The following PKN2 variants were observed in gnomAD, a reference collection of about 807,000 sequenced individuals.
PKN2 encodes serine/threonine-protein kinase N2.
Under a neutral mutation model 119.1 loss-of-function variants are expected in PKN2, and 38 were observed. That is an observed-to-expected ratio of 0.32 (90% CI 0.25 to 0.42). PKN2 has a LOEUF of 0.42. Ranked by LOEUF, PKN2 falls within the 10% of genes least tolerant of loss-of-function variation. The probability of loss-of-function intolerance (pLI) is 1.00; values close to 1 mark genes in which losing one functional copy is unlikely to be tolerated. For missense variants in PKN2, 850 were observed against 1,165.1 expected (o/e 0.73, Z 3.94); for synonymous variants, 390 against 384.9 (o/e 1.01, Z -0.15).
At chr1:88,701,199 T>A (rs1361758065) in intron 1 of PKN2, among the ~76,000 whole-genome samples, 2 of 152,190 alleles carry the variant, frequency 1.3e-5, no homozygotes, top group Non-Finnish European at 2.9e-5. Context: ...ATCCCAGTAC[T>A]TTGGGAGGCT....
chr1:88,826,854 GT>G (rs1672517819), intron 18 of PKN2, among the ~76,000 whole-genome samples: 1 of 152,006 alleles, frequency 6.6e-6, no homozygotes, highest in East Asian at 1.9e-4. Flanking sequence ...TTTTCTCCAA[GT>G]TACTAAAAGG....
At chr1:88,817,563 C>T (rs1672051862) in intron 16 of PKN2, among the ~76,000 whole-genome samples, 1 of 151,870 alleles carries the variant, frequency 6.6e-6, no homozygotes, top group African/African-American at 2.4e-5. Flanking sequence ...AAAAAATTAG[C>T]TGGGTGTGGC....
At chr1:88,815,643 C>A (rs2100900113) in intron 16 of PKN2, among the ~76,000 whole-genome samples, 1 of 152,224 alleles carries the variant, frequency 6.6e-6, no homozygotes, top group Non-Finnish European at 1.5e-5. Flanking sequence ...TGATTTCTAG[C>A]TTTGTTGTTT....
At position 88,823,198 on chromosome 1, in the gene PKN2, A is replaced by G. The variant is rs142316659; in HGVS notation, c.2343-1112A>G. Among the ~76,000 whole-genome samples, 7 of 152,286 alleles carry G rather than the reference A, an allele frequency of 4.6e-5. No homozygotes were observed. In the East Asian group the frequency reaches 1.4e-3, roughly 29 times the overall value. The stretch of plus-strand genomic sequence containing the variant: ...TTATGCCACTGCACTCCACTTAGAC[A>G]ACAGAGTGAGTACCTTGTCTCACAA... On this transcript the variant is annotated intron_variant, in intron 17 of 21. Coordinates refer to ENST00000370521, the MANE Select transcript of PKN2 (RefSeq NM_006256.4).
chr1:88,793,927 G>A (rs971798634), intron 8 of PKN2, among the ~76,000 whole-genome samples: 1 of 152,074 alleles, frequency 6.6e-6, no homozygotes, highest in Admixed American at 6.6e-5. Context: ...CACAGATAAG[G>A]AACCCACAGA....
At chr1:88,741,338 T>C in intron 2 of PKN2, 50 bp downstream of exon 2, 1 of 1,181,048 alleles carries the variant, frequency 8.5e-7, no homozygotes, top group Non-Finnish European at 1.1e-6. Flanking sequence ...ATAAAAAAAA[T>C]GTATCTTTTT....
Position 88,796,309 on chromosome 1 carries a change from A to G in PKN2, c.1282-8082A>G, listed in dbSNP as rs539610027. Among the ~76,000 whole-genome samples the G allele has an allele frequency of 1.9e-4, 29 of 152,258 alleles. No individual in the cohort carries two copies. In the South Asian group the frequency reaches 5.8e-3, roughly 30 times the overall value. ...TTCAGATTTTGTAGCTTTTCAGGTT[A>G]GGGATACTCAGCCTGTACTGCCTGA... On this transcript the variant is annotated intron_variant, in intron 8 of 21. Transcript: ENST00000370521.
In PKN2 at chr1:88,784,662, G is replaced by C; in HGVS notation, c.1009G>C (p.Gly337Arg). ...LTGTLEVRLM[G>R]CQDILENVPG... is the part of the protein sequence containing the mutation. ...AGGTACTTTGGAAGTTCGTCTTATG[G>C]GCTGCCAAGATATCCTAGAGAATGT... The change falls in exon 7 of 22, where the codon GGC becomes CGC. Residue 337 changes from glycine to arginine, a missense_variant. Physicochemically the swap from Gly to Arg is moderately radical, Grantham distance 125 (BLOSUM62 -2). Coordinates refer to ENST00000370521, the MANE Select transcript of PKN2 (RefSeq NM_006256.4). The C allele has an allele frequency of 6.3e-7, 1 of 1,582,016 alleles. No homozygotes were observed. Among genetic ancestry groups the C allele is most frequent in the Non-Finnish European group, 8.6e-7 (1 of 1,164,676 alleles).
intron 2 of PKN2, 117 bp downstream of exon 2, chr1:88,741,405 A>G: frequency 3.2e-6 from 2 of 623,114 alleles, no homozygotes. Flanking sequence ...AAGTAGAGAG[A>G]CTTTTTCTCT....
chr1:88,762,138 T>C (rs1052272844), intron 3 of PKN2, among the ~76,000 whole-genome samples: 4 of 152,210 alleles, frequency 2.6e-5, no homozygotes, highest in Admixed American at 1.3e-4. Context: ...GGTTACACCT[T>C]ATTCTCAAAG....
intron 8 of PKN2, among the ~76,000 whole-genome samples, chr1:88,786,866 A>G (rs901597200): frequency 1.5e-4 from 23 of 151,936 alleles, no homozygotes; most frequent in Non-Finnish European, 2.9e-5. Flanking sequence ...TAATTATGTT[A>G]AAGCAGATTT....
chr1:88,737,010 C>T (rs1454278577), intron 1 of PKN2, among the ~76,000 whole-genome samples: 1 of 152,302 alleles, frequency 6.6e-6, no homozygotes. Context: ...TCCAAAGCAA[C>T]ATTGTGTACC....
rs759936059 is a variant in PKN2 at position 88,833,057 on chromosome 1, T to C, written c.2671-20T>C. On this transcript the variant is annotated intron_variant, in intron 20 of 21. Transcript: ENST00000370521. Reference sequence around the variant, plus strand: ...ATTCTATTGGTTTTATTTTAACTTTTTTATTTTACATTATGCTAGCTGTTA... The same window carrying C: ...ATTCTATTGGTTTTATTTTAACTTTCTTATTTTACATTATGCTAGCTGTTA... 1 of 1,580,198 alleles carries C rather than the reference T, an allele frequency of 6.3e-7. No individual in the cohort carries two copies. Among genetic ancestry groups the C allele is most frequent in the Non-Finnish European group, 8.6e-7 (1 of 1,163,378 alleles).
chr1:88,792,231 C>A (rs1263941625), intron 8 of PKN2, among the ~76,000 whole-genome samples: 4 of 152,050 alleles, frequency 2.6e-5, no homozygotes, highest in Admixed American at 2.0e-4. Flanking sequence ...ATGGAGAAAC[C>A]CCGTCTCTAC....
chr1:88,743,873 C>T (rs772025552), intron 2 of PKN2, among the ~76,000 whole-genome samples: 6 of 152,046 alleles, frequency 3.9e-5, no homozygotes, highest in Non-Finnish European at 8.8e-5. Context: ...TTTATACTGA[C>T]CATTTTTAAT....
chr1:88,719,135 A>G (rs1277152942), intron 1 of PKN2, among the ~76,000 whole-genome samples: 2 of 152,328 alleles, frequency 1.3e-5, no homozygotes, highest in African/African-American at 2.4e-5. Context: ...GAAAGGTTGC[A>G]CTTGTTTTCC....
intron 10 of PKN2, among the ~76,000 whole-genome samples, chr1:88,805,129 C>T (rs1183850814): frequency 6.6e-6 from 1 of 152,102 alleles, no homozygotes; most frequent in Non-Finnish European, 1.5e-5. Context: ...ATAATCAACT[C>T]ATGGCCAATT....
intron 1 of PKN2, among the ~76,000 whole-genome samples, chr1:88,720,691 T>A (rs1386481134): frequency 6.6e-6 from 1 of 152,110 alleles, no homozygotes; most frequent in Non-Finnish European, 1.5e-5. Flanking sequence ...GGATAAGTTA[T>A]TTAGTGGTGA....
intron 16 of PKN2, among the ~76,000 whole-genome samples, chr1:88,820,332 C>G (rs1344429919): frequency 6.7e-6 from 1 of 148,986 alleles, no homozygotes; most frequent in East Asian, 2.0e-4. Flanking sequence ...GTCGGAAGTT[C>G]GAGACCAGCC....
Sources: gnomAD v4.1 joint callset for allele counts (sites outside exome capture counted in the v4.1 genomes callset) on GRCh38, gnomAD v4.1.1 for gene constraint, MANE v1.5 for transcripts, NCBI Gene and HGNC (gene_info 2026-07-23, HGNC 2026-07-21) for gene names.